SMYD1: variants seen among roughly 807,000 people sequenced by gnomAD.
The protein encoded by SMYD1 is histone-lysine N-methyltransferase SMYD1.
SMYD1 carries 49 observed loss-of-function variants against 54.0 expected under a neutral mutation model. The observed-to-expected ratio is 0.91, with a 90% CI of 0.72 to 1.15. The LOEUF is 1.15. SMYD1 is among the 50% of genes most tolerant of loss of function. SMYD1 has a pLI of 0.00. For synonymous variants in SMYD1, 269 were observed against 234.2 expected, an observed-to-expected ratio of 1.15 and a Z score of -1.36; for missense variants, 653 against 639.6, an observed-to-expected ratio of 1.02 and a Z score of -0.23.
intron 1 of SMYD1, among the ~76,000 whole-genome samples, chr2:88,082,183 G>A (rs1866947): frequency 0.43 from 65,210 of 152,002 alleles, 16,374 homozygotes; most frequent in East Asian, 0.86. Context: ...CATATCCTGC[G>A]CAGTTCTAAG....
intron 1 of SMYD1, among the ~76,000 whole-genome samples, chr2:88,069,224 G>A (rs1457582896): frequency 6.6e-6 from 1 of 152,192 alleles, no homozygotes; most frequent in African/African-American, 2.4e-5. Context: ...CCTAGGCTTT[G>A]TGGTTGGCTG....
chr2:88,089,080 G>T (rs1047385013), intron 3 of SMYD1, among the ~76,000 whole-genome samples: 1 of 152,210 alleles, frequency 6.6e-6, no homozygotes, highest in African/African-American at 2.4e-5. Flanking sequence ...CGCAATGGTG[G>T]AGGCTTGGTA....
Position 88,110,603 on chromosome 2 carries a change from A to T in SMYD1, c.*91A>T, listed in dbSNP as rs975816314. Reference sequence around the variant, plus strand: ...TCTCTCGGGAGACCCCTAATGAGGAAGTTGAGGTAATGCTTAACATTGTTG... The same window carrying T: ...TCTCTCGGGAGACCCCTAATGAGGATGTTGAGGTAATGCTTAACATTGTTG... On this transcript the variant is annotated 3_prime_UTR_variant, in exon 10 of 10. Transcript: ENST00000419482. 2.7e-4 allele frequency: 372 copies of T among 1,381,152 alleles called. No homozygotes were observed. Among genetic ancestry groups the T allele is most frequent in the Non-Finnish European group, 3.1e-4 (324 of 1,044,926 alleles). The allele number at this position is 1,381,152 out of a possible 1,614,324, so 85.6% of individuals were successfully genotyped here.
intron 3 of SMYD1, among the ~76,000 whole-genome samples, chr2:88,088,771 C>T (rs2103994235): frequency 6.6e-6 from 1 of 152,220 alleles, no homozygotes; most frequent in Non-Finnish European, 1.5e-5. Context: ...TGATGTGAAG[C>T]CTGGAGCAGT....
At chr2:88,106,258 T>C in intron 7 of SMYD1, 67 bp from the exon 8 acceptor site, 5 of 1,571,072 alleles carry the variant, frequency 3.2e-6, no homozygotes, top group Non-Finnish European at 4.4e-6. Context: ...ACCATGATGG[T>C]CGCGTATGTG....
intron 8 of SMYD1, among the ~76,000 whole-genome samples, chr2:88,107,914 G>T (rs1238559287): frequency 6.6e-6 from 1 of 152,206 alleles, no homozygotes; most frequent in African/African-American, 2.4e-5. Context: ...GCCTTGCCCT[G>T]CTTCGGCTTA....
intron 1 of SMYD1, among the ~76,000 whole-genome samples, chr2:88,082,897 A>G (rs960362463): frequency 6.6e-6 from 1 of 152,154 alleles, no homozygotes; most frequent in Admixed American, 6.5e-5. Flanking sequence ...GCTTAACACA[A>G]GGAGGAAGTT....
At chr2:88,089,241 C>T (rs1317293252) in intron 3 of SMYD1, among the ~76,000 whole-genome samples, 1 of 152,180 alleles carries the variant, frequency 6.6e-6, no homozygotes, top group African/African-American at 2.4e-5. Flanking sequence ...GAGGCCCACC[C>T]ACATTCTAGC....
intron 7 of SMYD1, among the ~76,000 whole-genome samples, chr2:88,105,525 A>G: frequency 6.6e-6 from 1 of 152,128 alleles, no homozygotes; most frequent in South Asian, 2.1e-4. Flanking sequence ...ATATACTTTA[A>G]AGCATCTCTG....
At chr2:88,074,330 CA>C (rs1674011976) in intron 1 of SMYD1, among the ~76,000 whole-genome samples, 1 of 152,220 alleles carries the variant, frequency 6.6e-6, no homozygotes, top group Non-Finnish European at 1.5e-5. Context: ...TTCCTTGGCT[CA>C]TGGCCCCCTT....
At chr2:88,072,741 C>T (rs1446485133) in intron 1 of SMYD1, among the ~76,000 whole-genome samples, 1 of 152,076 alleles carries the variant, frequency 6.6e-6, no homozygotes, top group Non-Finnish European at 1.5e-5. Context: ...AAGTTGTATA[C>T]ACTTTTTCTC....
At chr2:88,096,525 C>A in intron 5 of SMYD1, 70 bp from the exon 6 acceptor site, 1 of 1,363,474 alleles carries the variant, frequency 7.3e-7, no homozygotes, top group Non-Finnish European at 1.0e-6. Flanking sequence ...CTCCATGAAG[C>A]CTTGGAGAGC....
In SMYD1 at chr2:88,110,477, G is replaced by GTTCCAC; in HGVS notation, c.1438_1439insTTCCAC (p.Glu480delinsValProGln). On this transcript the variant is annotated protein_altering_variant, in exon 10 of 10. Transcript: ENST00000419482. ...GCAGGTCATGGCCGAGCCCAGCAATGAGCCATCCCCAGCTCTGTTCCACAA... is the reference window on the plus strand; with the variant it reads ...GCAGGTCATGGCCGAGCCCAGCAATGTTCCACAGCCATCCCCAGCTCTGTTCCACAA... The GTTCCAC allele has an allele frequency of 6.3e-7, 1 of 1,598,266 alleles. No homozygotes were observed. The highest frequency in any genetic ancestry group is 1.1e-5 in the South Asian group (1 of 88,208).
At chr2:88,081,309 C>T (rs1674186160) in intron 1 of SMYD1, among the ~76,000 whole-genome samples, 1 of 152,128 alleles carries the variant, frequency 6.6e-6, no homozygotes, top group Non-Finnish European at 1.5e-5. Context: ...TCAATCATAC[C>T]TCCATAAAGA....
intron 1 of SMYD1, among the ~76,000 whole-genome samples, chr2:88,073,263 G>A (rs914104806): frequency 3.3e-5 from 5 of 152,188 alleles, no homozygotes; most frequent in African/African-American, 9.7e-5. Context: ...CAGCTGTGTA[G>A]TATTACAGGG....
At chr2:88,073,322 T>C (rs1382732125) in intron 1 of SMYD1, among the ~76,000 whole-genome samples, 2 of 152,234 alleles carry the variant, frequency 1.3e-5, no homozygotes, top group African/African-American at 4.8e-5. Flanking sequence ...GATGGGCACC[T>C]GGGTTGTTTC....
At chr2:88,075,455 A>G (rs2970927) in intron 1 of SMYD1, among the ~76,000 whole-genome samples, 123,416 of 151,650 alleles carry the variant, frequency 0.81, 50,573 homozygotes, top group East Asian at 1. Flanking sequence ...TTGAGAATTG[A>G]TGTTTTAATA....
At chr2:88,072,276 G>A (rs977286695) in intron 1 of SMYD1, among the ~76,000 whole-genome samples, 8 of 152,006 alleles carry the variant, frequency 5.3e-5, no homozygotes, top group Non-Finnish European at 7.4e-5. Flanking sequence ...TCAGCCTCCC[G>A]AGTAGCTGGG....
At chr2:88,093,693 T>G (rs1320911257) in intron 5 of SMYD1, 138 bp downstream of exon 5, 1 of 920,090 alleles carries the variant, frequency 1.1e-6, no homozygotes, top group Non-Finnish European at 1.8e-6. Context: ...TGTCTCATCT[T>G]TTTAATGCAT....
Sources: allele counts gnomAD v4.1 joint callset (sites outside exome capture counted in the v4.1 genomes callset), GRCh38; gene constraint gnomAD v4.1.1; transcripts MANE v1.5; gene names NCBI Gene and HGNC (gene_info 2026-07-23, HGNC 2026-07-21).